ATP8B4: variants seen among roughly 807,000 people sequenced by gnomAD.
ATP8B4 encodes the protein probable phospholipid-transporting ATPase IM.
Under a neutral mutation model 145.6 loss-of-function variants are expected in ATP8B4, and 133 were observed. That is an observed-to-expected ratio of 0.91 (90% CI 0.79 to 1.05). The LOEUF (loss-of-function observed/expected upper bound fraction) is 1.05, where lower values mean the gene tolerates loss of function less well. ATP8B4 is among the 50% of genes least tolerant of loss of function. The probability of loss-of-function intolerance (pLI) is 0.00; values close to 1 mark genes in which losing one functional copy is unlikely to be tolerated. For missense variants in ATP8B4, 1,458 were observed against 1,425.2 expected (o/e 1.02, Z -0.37); for synonymous variants, 507 against 492.9 (o/e 1.03, Z -0.38).
In ATP8B4 at chr15:49,996,596, A is replaced by G. The variant is rs1315748168; in HGVS notation, c.589+81T>C. ...GTCCTTCCACCAAATAAAAAGAAAC[A>G]TAAATTGGATCTCACATTACTTTGT... On this transcript the variant is annotated intron_variant, in intron 9 of 27. Coordinates refer to ENST00000284509, the MANE Select transcript of ATP8B4 (RefSeq NM_024837.4). 1.1e-5 allele frequency: 13 copies of G among 1,147,902 alleles called. No homozygotes were observed. The East Asian group carries it at 2.6e-4, about 23-fold the overall frequency. 71.1% of individuals were successfully genotyped at this position (1,147,902 alleles called of 1,614,324 possible).
chr15:49,959,005 ATAT>A (rs1290246690), intron 14 of ATP8B4, among the ~76,000 whole-genome samples: 2 of 152,012 alleles, frequency 1.3e-5, no homozygotes, highest in African/African-American at 4.8e-5. Flanking sequence ...AGCAAAACAA[ATAT>A]TATCCCAAAA....
chr15:50,092,804 G>A (rs1326507271), intron 2 of ATP8B4, among the ~76,000 whole-genome samples: 2 of 151,896 alleles, frequency 1.3e-5, no homozygotes, highest in East Asian at 3.9e-4. Flanking sequence ...CATGATCTGA[G>A]GATATTCTGA....
chr15:50,077,355 A>C (rs2054247716), intron 2 of ATP8B4, among the ~76,000 whole-genome samples: 1 of 152,246 alleles, frequency 6.6e-6, no homozygotes, highest in Admixed American at 6.5e-5. Flanking sequence ...GATTGAAAAC[A>C]TAACAGTGCT....
chr15:50,175,375 T>C (rs193003707), intron 1 of ATP8B4, among the ~76,000 whole-genome samples: 19 of 152,088 alleles, frequency 1.2e-4, no homozygotes, highest in African/African-American at 4.6e-4. Context: ...TGGGAGAAAA[T>C]CTTTACAACC....
chr15:50,149,617 A>G (rs1256982583), intron 1 of ATP8B4, among the ~76,000 whole-genome samples: 1 of 152,206 alleles, frequency 6.6e-6, no homozygotes, highest in African/African-American at 2.4e-5. Flanking sequence ...TCTAATGAAA[A>G]ACTACTTCAT....
intron 1 of ATP8B4, among the ~76,000 whole-genome samples, chr15:50,107,894 C>T (rs930553490): frequency 3.3e-5 from 5 of 152,118 alleles, no homozygotes; most frequent in Non-Finnish European, 7.4e-5. Flanking sequence ...TTCATCAACA[C>T]GCACTGCTCC....
At chr15:49,913,232 G>T (rs547886578) in intron 20 of ATP8B4, among the ~76,000 whole-genome samples, 1 of 151,576 alleles carries the variant, frequency 6.6e-6, no homozygotes, top group African/African-American at 2.4e-5. Context: ...TTCAACATAC[G>T]TAATAAATAT....
At position 49,898,195 on chromosome 15, in the gene ATP8B4, A is replaced by C. The variant is rs766849989; in HGVS notation, c.2346T>G (p.Cys782Trp). ...TGACCCTGCAGCAAATTACAGTCTT[A>C]CACATGCAAGCAAGTTCTAGGAGAT... ...KNDLLELACM[C>W]KTVICCRVTP... Residue 782 changes from cysteine to tryptophan, a missense_variant, in exon 22 of 28, where the codon TGT becomes TGG. Cys to Trp is a radical substitution (Grantham distance 215). Coordinates refer to ENST00000284509, the MANE Select transcript of ATP8B4 (RefSeq NM_024837.4). 3.1e-6 allele frequency: 5 copies of C among 1,613,940 alleles called. No homozygotes were observed. The highest frequency in any genetic ancestry group is 1.3e-5 in the African/African-American group (1 of 75,042).
intron 23 of ATP8B4, among the ~76,000 whole-genome samples, chr15:49,893,646 G>C (rs2037068876): frequency 6.6e-6 from 1 of 152,118 alleles, no homozygotes. Context: ...CCAGGGACTA[G>C]GGGAAATGCA....
intron 2 of ATP8B4, among the ~76,000 whole-genome samples, chr15:50,075,227 G>C (rs1050002999): frequency 4.6e-5 from 7 of 152,000 alleles, no homozygotes; most frequent in African/African-American, 1.7e-4. Context: ...CAAAAGAAAA[G>C]TGAAAAGAAG....
chr15:50,065,666 T>C lies in ATP8B4; in HGVS notation c.87+8461A>G, dbSNP rs187000098. ...TTTCTCAATCTTAAATTTATTCCAT[T>C]ACAGCCAAGCTATAACAGAGCAAAA... is the stretch of plus-strand genomic sequence containing the variant. On this transcript the variant is annotated intron_variant, in intron 3 of 27. Transcript: ENST00000284509. 2.5e-3 allele frequency among the ~76,000 whole-genome samples: 388 copies of C among 152,272 alleles called. 1 individual carries two copies. The highest frequency in any genetic ancestry group is 4.5e-3 in the Admixed American group (69 of 15,266).
intron 14 of ATP8B4, among the ~76,000 whole-genome samples, chr15:49,955,173 G>C (rs1046403735): frequency 2.0e-5 from 3 of 152,114 alleles, no homozygotes; most frequent in Admixed American, 1.3e-4. Context: ...AATTACTAGA[G>C]GTAGCATAGA....
chr15:49,965,208 T>C (rs903750593), intron 13 of ATP8B4, among the ~76,000 whole-genome samples: 3 of 152,146 alleles, frequency 2.0e-5, no homozygotes, highest in African/African-American at 4.8e-5. Context: ...ATAATGCCCA[T>C]GGGTTATAGG....
At chr15:49,953,080 T>G (rs2153494937) in intron 14 of ATP8B4, among the ~76,000 whole-genome samples, 1 of 152,230 alleles carries the variant, frequency 6.6e-6, no homozygotes, top group East Asian at 1.9e-4. Flanking sequence ...AATGGGTGCC[T>G]TCTCCTTCTT....
intron 1 of ATP8B4, among the ~76,000 whole-genome samples, chr15:50,124,643 A>G (rs1227156031): frequency 6.6e-6 from 1 of 152,194 alleles, no homozygotes; most frequent in Non-Finnish European, 1.5e-5. Context: ...TATGGGTGCT[A>G]AATGTCACCT....
chr15:50,106,934 C>T lies in ATP8B4; in HGVS notation c.28+5G>A. 1 of 1,597,250 alleles carries T rather than the reference C, an allele frequency of 6.3e-7. No homozygotes were observed. The highest frequency in any genetic ancestry group is 8.5e-7 in the Non-Finnish European group (1 of 1,173,740). On this transcript the variant is annotated splice_donor_5th_base_variant and intron_variant, in intron 2 of 27. Transcript: ENST00000284509. Reference sequence around the variant, plus strand: ...TTTGCATCATTGGAAGAACTCAAAACTTACCACGCAATTTCTTTTCACTGC... The same window carrying T: ...TTTGCATCATTGGAAGAACTCAAAATTTACCACGCAATTTCTTTTCACTGC...
At position 50,165,971 on chromosome 15, in the gene ATP8B4, AC is replaced by A. The variant is rs2044592091; in HGVS notation, c.-43+16289del. 8.2e-4 allele frequency among the ~76,000 whole-genome samples: 6 copies of A among 7,312 alleles called. No individual in the cohort carries two copies. The African/African-American group carries it at 8.4e-3, about 10-fold the overall frequency. 4.8% of individuals were successfully genotyped at this position (7,312 alleles called of 152,430 possible). A position where few individuals can be genotyped will look rare whatever the true frequency, so the allele number is the denominator to read the frequency against. On this transcript the variant is annotated intron_variant, in intron 1 of 3. Transcript: ENST00000558829. ...CTGAAAGCTCAGAGAATCCCAGAGA[AC>A]ACACACACACACACACACACACACA...
intron 14 of ATP8B4, among the ~76,000 whole-genome samples, chr15:49,943,070 A>G (rs73398811): frequency 0.019 from 2,823 of 152,228 alleles, 90 homozygotes; most frequent in African/African-American, 0.066. Flanking sequence ...AGAATACAAT[A>G]AATGAATTGA....
chr15:50,030,255 A>T (rs774101198), intron 6 of ATP8B4, among the ~76,000 whole-genome samples: 5 of 152,118 alleles, frequency 3.3e-5, no homozygotes, highest in Non-Finnish European at 7.4e-5. Flanking sequence ...GCATAAACCT[A>T]TTCTTTTAAA....
Sources: gnomAD v4.1 joint callset for allele counts (sites outside exome capture counted in the v4.1 genomes callset) on GRCh38, gnomAD v4.1.1 for gene constraint, MANE v1.5 for transcripts, NCBI Gene and HGNC (gene_info 2026-07-23, HGNC 2026-07-21) for gene names.